Variants in STIP1 observed in about 807,000 individuals in gnomAD.
STIP1 encodes stress-induced-phosphoprotein 1.
A neutral mutation model predicts 77.4 loss-of-function variants in STIP1; 16 were observed. That is an observed-to-expected ratio of 0.21 (90% CI 0.14 to 0.31). The LOEUF (loss-of-function observed/expected upper bound fraction) is 0.31. STIP1 is among the 10% of genes least tolerant of loss of function. The pLI is 1.00. For missense variants in STIP1, 524 were observed against 684.8 expected, an observed-to-expected ratio of 0.77 and a Z score of 2.62; for synonymous variants, 258 against 246.6, an observed-to-expected ratio of 1.05 and a Z score of -0.44.
chr11:64,202,758 T>A, intron 10 of STIP1, 118 bp from the exon 11 acceptor site: 2 of 1,092,600 alleles, frequency 1.8e-6, no homozygotes, highest in East Asian at 4.7e-5. Flanking sequence ...TTCCTGATGT[T>A]GTCCCCTCTG....
chr11:64,204,326 A>G lies in STIP1; in HGVS notation c.*200A>G, dbSNP rs767490687. On this transcript the variant is annotated 3_prime_UTR_variant, in exon 14 of 14. Transcript: ENST00000305218. ...GCCTCTGGGCCCTCCCAGCACACGCATGGTCTCTTCACCGCTGCCCTCGAG... is the reference window on the plus strand; with the variant it reads ...GCCTCTGGGCCCTCCCAGCACACGCGTGGTCTCTTCACCGCTGCCCTCGAG... 1.5e-4 allele frequency: 85 copies of G among 582,932 alleles called. No homozygotes were observed. Among genetic ancestry groups the G allele is most frequent in the Non-Finnish European group, 2.2e-4 (75 of 334,834 alleles). The allele number at this position is 582,932 out of a possible 1,614,324, so 36.1% of individuals were successfully genotyped here. A position where few individuals can be genotyped will look rare whatever the true frequency, so the allele number is the denominator to read the frequency against.
At chr11:64,201,045 A>AC (rs1414813830) in intron 10 of STIP1, among the ~76,000 whole-genome samples, 2 of 151,320 alleles carry the variant, frequency 1.3e-5, no homozygotes, top group African/African-American at 4.9e-5. Context: ...TTAAAAAAAA[A>AC]AAAAAAAAAA....
chr11:64,204,136 C>T lies in STIP1; in HGVS notation c.*10C>T. The stretch of plus-strand genomic sequence containing the variant: ...GATTGCAATTCGGTGATGACTTGTT[C>T]ATCCCCCCTTCCCTTCGCCCTCATG... On this transcript the variant is annotated 3_prime_UTR_variant, in exon 14 of 14. Transcript: ENST00000305218. 6.2e-7 allele frequency: 1 copy of T among 1,614,142 alleles called. No individual in the cohort carries two copies. The highest frequency in any genetic ancestry group is 1.1e-5 in the South Asian group (1 of 91,078).
Position 64,197,854 on chromosome 11 carries a change from A to G in STIP1, c.903A>G (p.Lys301=), listed in dbSNP as rs1246780803. Residue 301 remains lysine, a splice_region_variant and synonymous_variant, in exon 8 of 14, where the codon AAA becomes AAG. Transcript: ENST00000305218. ...ENREDYRQIA[K]AYARIGNSYF... ...GTCCTTGTCCCTCTTTCTTTATCAGAGCATATGCTCGAATTGGCAACTCCT... is the reference window on the plus strand; with the variant it reads ...GTCCTTGTCCCTCTTTCTTTATCAGGGCATATGCTCGAATTGGCAACTCCT... 6.2e-7 allele frequency: 1 copy of G among 1,611,570 alleles called. No individual in the cohort carries two copies. Among genetic ancestry groups the G allele is most frequent in the Non-Finnish European group, 8.5e-7 (1 of 1,179,688 alleles).
At chr11:64,186,878 A>G (rs1027349051) in intron 1 of STIP1, among the ~76,000 whole-genome samples, 4 of 152,214 alleles carry the variant, frequency 2.6e-5, no homozygotes, top group Non-Finnish European at 4.4e-5. Context: ...GAGGAGCGAC[A>G]GACCGACTCT....
intron 13 of STIP1, 61 bp from the exon 14 acceptor site, chr11:64,203,993 C>G (rs1178997356): frequency 2.7e-5 from 43 of 1,594,850 alleles, no homozygotes; most frequent in Non-Finnish European, 3.7e-5. Context: ...GGGGCTTGCT[C>G]TGAGAGCAAG....
In STIP1 at chr11:64,197,840, T is replaced by A; in HGVS notation, c.903-14T>A. On this transcript the variant is annotated splice_polypyrimidine_tract_variant and intron_variant, in intron 7 of 13. Coordinates refer to ENST00000305218, the MANE Select transcript of STIP1 (RefSeq NM_006819.3). ...CTCTGTCCTAAGCAGTCCTTGTCCCTCTTTCTTTATCAGAGCATATGCTCG... is the reference window on the plus strand; with the variant it reads ...CTCTGTCCTAAGCAGTCCTTGTCCCACTTTCTTTATCAGAGCATATGCTCG... 1 of 1,610,652 alleles carries A rather than the reference T, an allele frequency of 6.2e-7. No individual in the cohort carries two copies. The highest frequency in any genetic ancestry group is 1.1e-5 in the South Asian group (1 of 90,844).
chr11:64,194,046 C>G lies in STIP1; in HGVS notation c.220-143C>G. The G allele has an allele frequency of 2.5e-6, 3 of 1,178,294 alleles. No individual in the cohort carries two copies. In the South Asian group the frequency reaches 4.6e-5, roughly 18 times the overall value. 73.0% of individuals were successfully genotyped at this position (1,178,294 alleles called of 1,614,324 possible). On this transcript the variant is annotated intron_variant, in intron 2 of 13. Transcript: ENST00000305218. ...ACAGTAGCAGCCTTGGCCTCGTAGC[C>G]TACTCCTCTCCTTTTTTTCTCTTTG...
Position 64,204,152 on chromosome 11 carries a change from C to G in STIP1, c.*26C>G, listed in dbSNP as rs201396024. On this transcript the variant is annotated 3_prime_UTR_variant, in exon 14 of 14. Transcript: ENST00000305218. ...TGACTTGTTCATCCCCCCTTCCCTT[C>G]GCCCTCATGTGGAAAGAGGAGCTGG... The G allele has an allele frequency of 1.1e-4, 176 of 1,613,618 alleles. No homozygotes were observed. In the East Asian group the frequency reaches 3.1e-3, roughly 28 times the overall value.
intron 8 of STIP1, among the ~76,000 whole-genome samples, chr11:64,199,300 C>A (rs1484876501): frequency 9.3e-5 from 14 of 151,202 alleles, no homozygotes; most frequent in Admixed American, 9.2e-4. Context: ...GTCAGGAGAT[C>A]GAGACCATCC....
intron 13 of STIP1, chr11:64,203,842 A>G (rs565663600): frequency 6.5e-6 from 5 of 764,036 alleles, no homozygotes; most frequent in African/African-American, 3.5e-5. Context: ...GCTGGGAGAA[A>G]GGTCTTGACT....
chr11:64,185,784 C>T (rs1946005475), upstream of STIP1: 4 of 1,532,898 alleles, frequency 2.6e-6, no homozygotes, highest in African/African-American at 2.7e-5. Flanking sequence ...GGCAACCCTC[C>T]GCCCAATTGG....
In STIP1 at chr11:64,186,277, G is replaced by T. The variant is rs374843456; in HGVS notation, c.9+7G>T. On this transcript the variant is annotated splice_region_variant and intron_variant, in intron 1 of 13. Transcript: ENST00000305218. Reference sequence around the variant, plus strand: ...GCGCTGCGCTATGGAGCAGGTGAAGGGGGAGGGGCGGGCTGAGGCCCCGAG... The same window carrying T: ...GCGCTGCGCTATGGAGCAGGTGAAGTGGGAGGGGCGGGCTGAGGCCCCGAG... 1.3e-6 allele frequency: 2 copies of T among 1,548,618 alleles called. No individual in the cohort carries two copies. Among genetic ancestry groups the T allele is most frequent in the Non-Finnish European group, 1.7e-6 (2 of 1,146,502 alleles).
At chr11:64,198,760 T>G (rs1296619545) in intron 8 of STIP1, among the ~76,000 whole-genome samples, 2 of 150,546 alleles carry the variant, frequency 1.3e-5, no homozygotes, top group Non-Finnish European at 1.5e-5. Context: ...GTGGTTTTTT[T>G]TTTTTTTTTT....
Position 64,199,928 on chromosome 11 carries a change from T to C in STIP1, c.1024-12T>C. The stretch of plus-strand genomic sequence containing the variant: ...GCGTTTAAATTATTATTTCAAGAAT[T>C]ATGTTTTGTAGGCAGAGAAAATCCT... On this transcript the variant is annotated splice_polypyrimidine_tract_variant and intron_variant, in intron 8 of 13. Transcript: ENST00000305218. The C allele has an allele frequency of 1.2e-6, 2 of 1,613,908 alleles. No homozygotes were observed. The highest frequency in any genetic ancestry group is 1.7e-6 in the Non-Finnish European group (2 of 1,179,944).
chr11:64,198,753 G>GTTTTTTTTTTTTTTTTTTT (rs371481270), intron 8 of STIP1, among the ~76,000 whole-genome samples: 5 of 111,060 alleles, frequency 4.5e-5, no homozygotes, highest in Non-Finnish European at 7.1e-5. Flanking sequence ...TTTTTTTGTG[G>GTTTTTTTTTTTTTTTTTTT]TTTTTTTTTT....
intron 2 of STIP1, 28 bp downstream of exon 2, chr11:64,193,315 G>A: frequency 6.2e-7 from 1 of 1,611,164 alleles, no homozygotes; most frequent in Non-Finnish European, 8.5e-7. Context: ...GAGGGAGAGA[G>A]GCCCTTCAGA....
chr11:64,191,287 T>C (rs1271551832), intron 1 of STIP1, among the ~76,000 whole-genome samples: 1 of 148,532 alleles, frequency 6.7e-6, no homozygotes, highest in Non-Finnish European at 1.5e-5. Context: ...TCCAGGCTGG[T>C]AACAGAGTGA....
Position 64,196,970 on chromosome 11 carries a change from C to T in STIP1, c.673-301C>T, listed in dbSNP as rs56233050. The T allele has an allele frequency of 4.2e-3, 1,423 of 341,468 alleles. 4 individuals are homozygous for T. The highest frequency in any genetic ancestry group is 6.8e-3 in the Non-Finnish European group (1,237 of 181,496). The allele number at this position is 341,468 out of a possible 1,614,324, so 21.2% of individuals were successfully genotyped here. A position where few individuals can be genotyped will look rare whatever the true frequency, so the allele number is the denominator to read the frequency against. ...AAGCCTGGTCCAAAACTCTGCTGTC[C>T]TCACCGGTTGCTTCAAGTCGAAGGG... On this transcript the variant is annotated intron_variant, in intron 5 of 13. Transcript: ENST00000305218.
Sources: gnomAD v4.1 joint callset for allele counts (sites outside exome capture counted in the v4.1 genomes callset) on GRCh38, gnomAD v4.1.1 for gene constraint, MANE v1.5 for transcripts, NCBI Gene and HGNC (gene_info 2026-07-23, HGNC 2026-07-21) for gene names.